Variants in GAPVD1 observed in about 807,000 individuals in gnomAD.
GAPVD1 encodes the protein GTPase-activating protein and VPS9 domain-containing protein 1.
In GAPVD1, 35 loss-of-function variants were observed where a neutral mutation model predicts 155.5. That is an observed-to-expected ratio of 0.23 (90% CI 0.17 to 0.30). The LOEUF is 0.30. Among genes scored for constraint, GAPVD1 ranks in the 10% least tolerant of loss-of-function variants. The pLI is 1.00. For synonymous variants in GAPVD1, 636 were observed against 619.7 expected, an observed-to-expected ratio of 1.03 and a Z score of -0.39; for missense variants, 1,429 against 1,775.7, an observed-to-expected ratio of 0.80 and a Z score of 3.51.
At position 125,302,156 on chromosome 9, in the gene GAPVD1, T is replaced by G; in HGVS notation, c.359T>G (p.Leu120Arg). Residue 120 changes from leucine (L) to arginine (R), a missense_variant, in exon 5 of 28, where the codon CTT (leucine) becomes CGT (arginine). Physicochemically the swap from Leu to Arg is moderately radical, Grantham distance 102 (BLOSUM62 -2). This residue lies in a region of GAPVD1 where 628 missense variants were observed against 733.4 expected (regional missense o/e 0.86). Coordinates refer to ENST00000297933, the MANE Select transcript of GAPVD1 (RefSeq NM_001282680.3). ...IASSLVAGEKLNQENTQSVIY... is the reference protein window; with the variant it reads ...IASSLVAGEKRNQENTQSVIY... Reference sequence around the variant, plus strand: ...TCCTCTTTGGTTGCTGGAGAGAAACTTAATCAGGAGAACACACAAAGTGTT... The same window carrying G: ...TCCTCTTTGGTTGCTGGAGAGAAACGTAATCAGGAGAACACACAAAGTGTT... 6.2e-7 allele frequency: 1 copy of G among 1,614,026 alleles called. No homozygotes were observed. The highest frequency in any genetic ancestry group is 1.1e-5 in the South Asian group (1 of 91,082).
intron 9 of GAPVD1, among the ~76,000 whole-genome samples, chr9:125,313,547 C>T (rs985523992): frequency 2.0e-5 from 3 of 152,162 alleles, no homozygotes; most frequent in Admixed American, 2.0e-4. Flanking sequence ...TCGTGATCCA[C>T]CTGCCTCGGC....
chr9:125,333,260 T>C (rs924153738), intron 15 of GAPVD1, among the ~76,000 whole-genome samples: 2 of 151,456 alleles, frequency 1.3e-5, no homozygotes, highest in Non-Finnish European at 2.9e-5. Flanking sequence ...TTTCTATTTT[T>C]AGTAGATACG....
At chr9:125,289,027 TG>T (rs1249405229) in intron 2 of GAPVD1, among the ~76,000 whole-genome samples, 1 of 152,220 alleles carries the variant, frequency 6.6e-6, no homozygotes, top group Admixed American at 6.5e-5. Context: ...GAAGTGTGTC[TG>T]GCACGTCTGA....
At chr9:125,262,004 C>G (rs1197100857) in intron 1 of GAPVD1, 45 bp downstream of exon 1, 1 of 152,602 alleles carries the variant, frequency 6.6e-6, no homozygotes, top group South Asian at 2.1e-4. Context: ...GAGCGGCTCC[C>G]TGCCTCGCGG....
chr9:125,335,649 C>A (rs1239970645), intron 15 of GAPVD1, among the ~76,000 whole-genome samples: 1 of 151,898 alleles, frequency 6.6e-6, no homozygotes, highest in Non-Finnish European at 1.5e-5. Context: ...TGCACTCCAC[C>A]CTGGTGACAG....
At chr9:125,293,852 T>TTATATATATATA (rs1161661604) in intron 2 of GAPVD1, among the ~76,000 whole-genome samples, 15 of 35,142 alleles carry the variant, frequency 4.3e-4, no homozygotes, top group Non-Finnish European at 3.9e-4. Flanking sequence ...AAAATATATT[T>TTATATATATATA]TATATATATA....
At chr9:125,359,033 C>G (rs1353670701) in intron 25 of GAPVD1, among the ~76,000 whole-genome samples, 1 of 152,196 alleles carries the variant, frequency 6.6e-6, no homozygotes. Flanking sequence ...AGGCCCTTCT[C>G]CATGTAATTA....
At chr9:125,262,292 G>A (rs954629263) in intron 1 of GAPVD1, among the ~76,000 whole-genome samples, 2 of 152,296 alleles carry the variant, frequency 1.3e-5, no homozygotes, top group African/African-American at 2.4e-5. Context: ...CGGCAGGTAG[G>A]GAACTGAGTA....
chr9:125,342,847 TTTACTAA>T (rs1848007167), intron 19 of GAPVD1, among the ~76,000 whole-genome samples: 1 of 152,088 alleles, frequency 6.6e-6, no homozygotes, highest in Non-Finnish European at 1.5e-5. Flanking sequence ...TTTTAAAAAC[TTTACTAA>T]TTTTTTACAG....
intron 2 of GAPVD1, among the ~76,000 whole-genome samples, chr9:125,284,444 C>T (rs1177250031): frequency 1.3e-5 from 2 of 151,580 alleles, no homozygotes; most frequent in African/African-American, 4.9e-5. Flanking sequence ...TCCCAAAGTG[C>T]TGGGATTACA....
At chr9:125,292,172 G>T (rs897030949) in intron 2 of GAPVD1, among the ~76,000 whole-genome samples, 2 of 152,112 alleles carry the variant, frequency 1.3e-5, no homozygotes, top group Non-Finnish European at 2.9e-5. Context: ...GGGAGATAGA[G>T]GCTGCAGTGA....
chr9:125,330,873 A>T (rs1245831518), intron 13 of GAPVD1, among the ~76,000 whole-genome samples: 1 of 152,294 alleles, frequency 6.6e-6, no homozygotes, highest in East Asian at 1.9e-4. Flanking sequence ...GTTCAAACTG[A>T]GTGCTTGCTT....
chr9:125,279,963 T>C (rs1172585869), intron 2 of GAPVD1, among the ~76,000 whole-genome samples: 3 of 150,918 alleles, frequency 2.0e-5, no homozygotes, highest in African/African-American at 7.4e-5. Context: ...GGTTTCACCA[T>C]GTTGGCCAGG....
At chr9:125,335,296 C>T (rs1258148356) in intron 15 of GAPVD1, 3 of 592,504 alleles carry the variant, frequency 5.1e-6, no homozygotes, top group South Asian at 4.4e-5. Context: ...GTGTCATTCT[C>T]TTCATTTTTT....
chr9:125,290,136 G>A (rs1051240054), intron 2 of GAPVD1, among the ~76,000 whole-genome samples: 4 of 152,110 alleles, frequency 2.6e-5, no homozygotes, highest in South Asian at 2.1e-4. Flanking sequence ...TGATGAGTGC[G>A]GGTTTAGGAG....
chr9:125,314,700 GACA>G (rs757625396), intron 9 of GAPVD1, among the ~76,000 whole-genome samples: 87 of 151,044 alleles, frequency 5.8e-4, no homozygotes, highest in Non-Finnish European at 1.1e-3. Context: ...GAAACAAAAA[GACA>G]AGAAGAAGAA....
chr9:125,350,561 AT>A, intron 22 of GAPVD1, 151 bp from the exon 23 acceptor site: 1 of 680,134 alleles, frequency 1.5e-6, no homozygotes, highest in Non-Finnish European at 2.5e-6. Context: ...ATTACTGATG[AT>A]TTATTAAAGT....
intron 4 of GAPVD1, among the ~76,000 whole-genome samples, chr9:125,300,157 TTAA>T (rs1840638017): frequency 7.1e-6 from 1 of 141,398 alleles, no homozygotes; most frequent in Non-Finnish European, 1.5e-5. Context: ...TTTTATTGTC[TTAA>T]TACCTACGAA....
intron 4 of GAPVD1, among the ~76,000 whole-genome samples, chr9:125,301,185 T>G (rs1588771465): frequency 6.6e-6 from 1 of 152,202 alleles, no homozygotes; most frequent in South Asian, 2.1e-4. Context: ...TTTTCCCACC[T>G]CAGCCTCCTG....
Sources: gnomAD v4.1 joint callset for allele counts (sites outside exome capture counted in the v4.1 genomes callset) on GRCh38, gnomAD v4.1.1 for gene constraint, gnomAD v4.1.1 regional missense constraint, MANE v1.5 for transcripts, NCBI Gene and HGNC (gene_info 2026-07-23, HGNC 2026-07-21) for gene names.